The following BMPER variants were observed in gnomAD, a reference collection of about 807,000 sequenced individuals.
BMPER encodes the protein BMP binding endothelial regulator.
Under a neutral mutation model 87.3 loss-of-function variants are expected in BMPER, and 45 were observed. That is an observed-to-expected ratio of 0.52 (90% CI 0.41 to 0.66). BMPER has a LOEUF of 0.66. Among genes scored for constraint, BMPER ranks in the 30% least tolerant of loss-of-function variants. The pLI is 0.00. For synonymous variants in BMPER, 326 were observed against 316.2 expected (o/e 1.03, Z -0.33); for missense variants, 784 against 867.5 (o/e 0.90, Z 1.21).
intron 13 of BMPER, among the ~76,000 whole-genome samples, chr7:34,105,820 A>G (rs980384799): frequency 3.3e-5 from 5 of 152,168 alleles, no homozygotes; most frequent in Admixed American, 6.5e-5. Flanking sequence ...CATTGAAACA[A>G]TGTTCATTGA....
intron 11 of BMPER, among the ~76,000 whole-genome samples, chr7:34,068,987 T>G (rs1788666263): frequency 6.6e-6 from 1 of 152,244 alleles, no homozygotes; most frequent in Non-Finnish European, 1.5e-5. Flanking sequence ...CTATTTTTAA[T>G]ATAGGTGTAG....
intron 2 of BMPER, among the ~76,000 whole-genome samples, chr7:33,926,164 A>T (rs989290127): frequency 3.9e-5 from 6 of 152,168 alleles, no homozygotes; most frequent in Non-Finnish European, 7.3e-5. Context: ...CTGGCATAGT[A>T]CCTGGCCTGC....
intron 6 of BMPER, among the ~76,000 whole-genome samples, chr7:34,031,769 G>A (rs1447696995): frequency 6.0e-5 from 9 of 151,160 alleles, no homozygotes; most frequent in African/African-American, 1.9e-4. Flanking sequence ...ACAGCTTTGC[G>A]AGGAAAATAG....
intron 6 of BMPER, among the ~76,000 whole-genome samples, chr7:34,021,987 C>A (rs904848974): frequency 2.6e-5 from 4 of 151,962 alleles, no homozygotes; most frequent in Middle Eastern, 3.2e-3. Context: ...CAGTGACCAA[C>A]AAGTAGTATA....
chr7:33,963,194 C>T (rs964395949), intron 3 of BMPER, among the ~76,000 whole-genome samples: 7 of 152,252 alleles, frequency 4.6e-5, no homozygotes, highest in East Asian at 1.9e-4. Context: ...CTATTCTAAA[C>T]GTCAACACTT....
At chr7:34,102,064 A>C (rs1249715834) in intron 13 of BMPER, among the ~76,000 whole-genome samples, 1 of 152,240 alleles carries the variant, frequency 6.6e-6, no homozygotes, top group African/African-American at 2.4e-5. Context: ...GACTAATGTG[A>C]CTGAAAAGCC....
At chr7:33,914,720 T>G (rs1360382318) in intron 2 of BMPER, among the ~76,000 whole-genome samples, 2 of 152,068 alleles carry the variant, frequency 1.3e-5, no homozygotes, top group African/African-American at 2.4e-5. Flanking sequence ...AAAATGGGCC[T>G]ATAATATTAA....
chr7:33,999,151 C>T (rs1454797279), intron 6 of BMPER, among the ~76,000 whole-genome samples: 4 of 152,256 alleles, frequency 2.6e-5, no homozygotes, highest in Non-Finnish European at 5.9e-5. Context: ...CCTTTGTACA[C>T]AGCTTTAGAG....
intron 13 of BMPER, among the ~76,000 whole-genome samples, chr7:34,108,944 T>G (rs990426134): frequency 6.6e-6 from 1 of 152,184 alleles, no homozygotes; most frequent in Non-Finnish European, 1.5e-5. Context: ...TGGAAGGGGT[T>G]GGAGGATGAT....
intron 13 of BMPER, among the ~76,000 whole-genome samples, chr7:34,119,014 T>TCTCTCACACACACA (rs66493349): frequency 1.5e-5 from 2 of 135,712 alleles, no homozygotes; most frequent in South Asian, 2.6e-4. Flanking sequence ...TCTCTCTCTC[T>TCTCTCACACACACA]CACACACACA....
Position 34,155,496 on chromosome 7 carries a change from G to A in BMPER, c.*2223G>A, listed in dbSNP as rs1428932408. 1 of 152,214 alleles carries A rather than the reference G, an allele frequency of 6.6e-6. No individual in the cohort carries two copies. Among genetic ancestry groups the A allele is most frequent in the Non-Finnish European group, 1.5e-5 (1 of 68,048 alleles). 9.4% of individuals were successfully genotyped at this position (152,214 alleles called of 1,614,324 possible). On this transcript the variant is annotated 3_prime_UTR_variant, in exon 15 of 15. Coordinates refer to ENST00000649409, the MANE Select transcript of BMPER (RefSeq NM_001365308.1). The stretch of plus-strand genomic sequence containing the variant: ...GCATGAGCCGGTTTCATCATCTTGG[G>A]TGGGTTGATTACAAGTTTGTGTGGC...
intron 13 of BMPER, among the ~76,000 whole-genome samples, chr7:34,113,426 T>TA: frequency 6.6e-6 from 1 of 152,056 alleles, no homozygotes; most frequent in Non-Finnish European, 1.5e-5. Flanking sequence ...CTAGATTAAA[T>TA]AAAAAATACA....
At chr7:33,994,904 A>G (rs1786359891) in intron 6 of BMPER, among the ~76,000 whole-genome samples, 1 of 152,146 alleles carries the variant, frequency 6.6e-6, no homozygotes, top group African/African-American at 2.4e-5. Flanking sequence ...ATTCTATAAT[A>G]TCTCAATTCA....
At chr7:33,915,191 G>A (rs1051690830) in intron 2 of BMPER, among the ~76,000 whole-genome samples, 1 of 152,058 alleles carries the variant, frequency 6.6e-6, no homozygotes, top group African/African-American at 2.4e-5. Flanking sequence ...CTAATTTCAC[G>A]GATAACAGTA....
intron 13 of BMPER, among the ~76,000 whole-genome samples, chr7:34,119,014 T>TCTCTCACACACACACACACACACACA (rs66493349): frequency 2.1e-4 from 28 of 135,788 alleles, no homozygotes; most frequent in Non-Finnish European, 3.2e-4. Flanking sequence ...TCTCTCTCTC[T>TCTCTCACACACACACACACACACACA]CACACACACA....
intron 13 of BMPER, among the ~76,000 whole-genome samples, chr7:34,103,461 T>C (rs1016985895): frequency 2.6e-5 from 4 of 152,160 alleles, no homozygotes; most frequent in Non-Finnish European, 5.9e-5. Context: ...TGTTTTCCAG[T>C]TGGTGCCTCT....
chr7:33,984,730 A>T (rs1390398269), intron 6 of BMPER, among the ~76,000 whole-genome samples: 1 of 152,242 alleles, frequency 6.6e-6, no homozygotes, highest in Non-Finnish European at 1.5e-5. Flanking sequence ...AATAGGGATT[A>T]GAGTTGGTAG....
chr7:33,953,832 G>C (rs1785086295), intron 3 of BMPER, among the ~76,000 whole-genome samples: 1 of 152,106 alleles, frequency 6.6e-6, no homozygotes, highest in Non-Finnish European at 1.5e-5. Context: ...TTGGTAGCCT[G>C]CATTCCACTT....
At chr7:34,067,434 T>A (rs1176620673) in intron 11 of BMPER, 1 of 152,156 alleles carries the variant, frequency 6.6e-6, no homozygotes, top group Non-Finnish European at 1.5e-5. Flanking sequence ...GGGCCCATTT[T>A]ATGAGAAATC....
Sources: allele counts gnomAD v4.1 joint callset (sites outside exome capture counted in the v4.1 genomes callset), GRCh38; gene constraint gnomAD v4.1.1; transcripts MANE v1.5; gene names NCBI Gene and HGNC (gene_info 2026-07-23, HGNC 2026-07-21).